Variants in UGGT2 observed in about 807,000 individuals in gnomAD.
The protein encoded by UGGT2 is UDP-glucose glycoprotein glucosyltransferase 2, also known as UDP-glucose:glycoprotein glucosyltransferase 2.
UGGT2 carries 180 observed loss-of-function variants against 192.1 expected under a neutral mutation model. That is an observed-to-expected ratio of 0.94 (90% CI 0.83 to 1.06). The LOEUF (loss-of-function observed/expected upper bound fraction) is 1.06, where lower values mean the gene tolerates loss of function less well. Among genes scored for constraint, UGGT2 ranks in the 50% least tolerant of loss-of-function variants. UGGT2 has a pLI of 0.00. For missense variants in UGGT2, 1,849 were observed against 1,795.7 expected, an observed-to-expected ratio of 1.03 and a Z score of -0.54; for synonymous variants, 580 against 591.0, an observed-to-expected ratio of 0.98 and a Z score of 0.27.
intron 38 of UGGT2, among the ~76,000 whole-genome samples, chr13:95,806,355 A>G (rs1177724738): frequency 6.6e-6 from 1 of 152,190 alleles, no homozygotes; most frequent in Non-Finnish European, 1.5e-5. Context: ...GGTTAACTCC[A>G]GGAGTTAATG....
intron 36 of UGGT2, among the ~76,000 whole-genome samples, chr13:95,850,589 G>A (rs1218936156): frequency 1.3e-5 from 2 of 152,206 alleles, no homozygotes; most frequent in African/African-American, 2.4e-5. Context: ...GATGGAGACT[G>A]TGTACGGGCC....
rs142818605 is a variant in UGGT2, at chr13:95,920,776, G to A, written c.2295+4904C>T. Among the ~76,000 whole-genome samples the A allele has an allele frequency of 7.2e-3, 1,094 of 152,282 alleles. 17 individuals carry two copies. Among genetic ancestry groups the A allele is most frequent in the African/African-American group, 0.025 (1,028 of 41,550 alleles). ...GGTCAGCCACTGTGAAAAGCAGTTCGGAGATTTCTCAAAGAACTGAAAACA... is the reference window on the plus strand; with the variant it reads ...GGTCAGCCACTGTGAAAAGCAGTTCAGAGATTTCTCAAAGAACTGAAAACA... On this transcript the variant is annotated intron_variant, in intron 20 of 38. Coordinates refer to ENST00000376747, the MANE Select transcript of UGGT2 (RefSeq NM_020121.4).
At chr13:96,029,264 T>A (rs1221154025) in intron 2 of UGGT2, among the ~76,000 whole-genome samples, 1 of 152,144 alleles carries the variant, frequency 6.6e-6, no homozygotes, top group Admixed American at 6.5e-5. Flanking sequence ...ATAAAGCCAA[T>A]AGAATTATAT....
At chr13:95,889,031 G>A (rs558923563) in intron 25 of UGGT2, among the ~76,000 whole-genome samples, 1 of 152,004 alleles carries the variant, frequency 6.6e-6, no homozygotes, top group African/African-American at 2.4e-5. Context: ...TGTTGCCCAG[G>A]CTGGTCTTGA....
At chr13:95,970,982 G>T (rs887815124) in intron 11 of UGGT2, among the ~76,000 whole-genome samples, 4 of 152,152 alleles carry the variant, frequency 2.6e-5, no homozygotes, top group African/African-American at 9.7e-5. Context: ...AAAGTCACAT[G>T]TTCTTACTGT....
chr13:95,888,123 G>T (rs2047697596), intron 25 of UGGT2, 152 bp from the exon 26 acceptor site: 1 of 507,278 alleles, frequency 2.0e-6, no homozygotes, highest in Non-Finnish European at 3.4e-6. Context: ...TACTTTTGCA[G>T]TTTAGGTACA....
intron 29 of UGGT2, among the ~76,000 whole-genome samples, chr13:95,868,645 G>A (rs9556504): frequency 0.38 from 58,476 of 151,922 alleles, 11,449 homozygotes; most frequent in Non-Finnish European, 0.42. Flanking sequence ...TAACCTGTAT[G>A]GTAGAAACAT....
At chr13:95,831,870 CT>C (rs1463765709) in intron 38 of UGGT2, among the ~76,000 whole-genome samples, 1 of 151,498 alleles carries the variant, frequency 6.6e-6, no homozygotes, top group Admixed American at 6.6e-5. Context: ...TCTCTCCCTC[CT>C]CCCTTTGTCA....
At position 96,023,760 on chromosome 13, in the gene UGGT2, C is replaced by T; in HGVS notation, c.242-1G>A. 1 of 1,583,770 alleles carries T rather than the reference C, an allele frequency of 6.3e-7. No individual in the cohort carries two copies. Among genetic ancestry groups the T allele is most frequent in the East Asian group, 2.3e-5 (1 of 44,204 alleles). On this transcript the variant is annotated splice_acceptor_variant, in intron 2 of 38. Coordinates refer to ENST00000376747, the MANE Select transcript of UGGT2 (RefSeq NM_020121.4). LOFTEE classifies it high-confidence loss of function. Reference sequence around the variant, plus strand: ...AAGTTGTAATAAGAATAATCTGATTCTATAAAAAGAAGTCAAAAGAAAATA... The same window carrying T: ...AAGTTGTAATAAGAATAATCTGATTTTATAAAAAGAAGTCAAAAGAAAATA...
chr13:96,044,357 G>T (rs988506751), intron 1 of UGGT2, among the ~76,000 whole-genome samples: 1 of 152,156 alleles, frequency 6.6e-6, no homozygotes, highest in Non-Finnish European at 1.5e-5. Flanking sequence ...ATACAGCAAA[G>T]GCTCTGCTAA....
Position 96,023,056 on chromosome 13 carries a change from T to C in UGGT2, c.469A>G (p.Lys157Glu). The C allele has an allele frequency of 6.3e-7, 1 of 1,584,346 alleles. No individual in the cohort carries two copies. Among genetic ancestry groups the C allele is most frequent in the Non-Finnish European group, 8.6e-7 (1 of 1,163,934 alleles). The change falls in exon 4 of 39, where the codon AAG becomes GAG. Residue 157 changes from lysine (K) to glutamate (E), a missense_variant. Physicochemically the swap from Lys to Glu is moderately conservative, Grantham distance 56. Transcript: ENST00000376747. The stretch of plus-strand genomic sequence containing the variant: ...TTAATTTACCTTGAAGCAGCTTTCT[T>C]CAGCAGCTTTTTAATCTCATTAATT... Reference protein sequence around the residue: ...CKINEIKKLLKKAASRTRPYL... With the variant: ...CKINEIKKLLEKAASRTRPYL...
At chr13:95,806,690 A>G (rs1273793216) in intron 38 of UGGT2, among the ~76,000 whole-genome samples, 5 of 152,212 alleles carry the variant, frequency 3.3e-5, no homozygotes, top group African/African-American at 1.2e-4. Context: ...GAATAAGAAG[A>G]GACATATAGA....
At chr13:96,050,165 AAAT>A (rs1258815258) in intron 1 of UGGT2, among the ~76,000 whole-genome samples, 11 of 152,332 alleles carry the variant, frequency 7.2e-5, no homozygotes, top group Non-Finnish European at 1.6e-4. Flanking sequence ...GAGCCCTCAG[AAAT>A]AATACCACAC....
chr13:95,881,407 T>C (rs886208778), intron 27 of UGGT2, among the ~76,000 whole-genome samples: 1 of 152,134 alleles, frequency 6.6e-6, no homozygotes, highest in African/African-American at 2.4e-5. Context: ...AAATGTGACC[T>C]TTTCCCAAAT....
chr13:95,925,803 T>C lies in UGGT2; in HGVS notation c.2201-29A>G, dbSNP rs186140023. 6.1e-4 allele frequency: 893 copies of C among 1,467,482 alleles called. 5 individuals carry two copies. In the African/African-American group the frequency reaches 0.011, roughly 19 times the overall value. 90.9% of individuals were successfully genotyped at this position (1,467,482 alleles called of 1,614,324 possible). On this transcript the variant is annotated intron_variant, in intron 19 of 38. Coordinates refer to ENST00000376747, the MANE Select transcript of UGGT2 (RefSeq NM_020121.4). The stretch of plus-strand genomic sequence containing the variant: ...AAAGTTTCAAACAGTTTACTCAAAT[T>C]AACTTTTTTTTTAAAAAATAAAACA...
intron 36 of UGGT2, among the ~76,000 whole-genome samples, chr13:95,849,683 A>C (rs1888833184): frequency 6.6e-6 from 1 of 151,766 alleles, no homozygotes; most frequent in Non-Finnish European, 1.5e-5. Flanking sequence ...CTCCAGGTTA[A>C]TTAAATTTTT....
intron 38 of UGGT2, among the ~76,000 whole-genome samples, chr13:95,828,561 A>AATCT (rs760533183): frequency 1.3e-5 from 2 of 152,176 alleles, no homozygotes; most frequent in Non-Finnish European, 2.9e-5. Flanking sequence ...TAAACTAGAA[A>AATCT]ATCTAGAAGA....
At chr13:95,929,974 T>A (rs2049188425) in intron 17 of UGGT2, among the ~76,000 whole-genome samples, 1 of 152,212 alleles carries the variant, frequency 6.6e-6, no homozygotes, top group African/African-American at 2.4e-5. Flanking sequence ...TAACAGCCAT[T>A]CTAAATGGTA....
chr13:96,038,927 C>T (rs776256962), intron 1 of UGGT2, among the ~76,000 whole-genome samples: 3 of 152,104 alleles, frequency 2.0e-5, no homozygotes, highest in African/African-American at 4.8e-5. Context: ...TATGATCCAT[C>T]CTGGGGTAAA....
Sources: gnomAD v4.1 joint callset for allele counts (sites outside exome capture counted in the v4.1 genomes callset) on GRCh38, gnomAD v4.1.1 for gene constraint, MANE v1.5 for transcripts, NCBI Gene and HGNC (gene_info 2026-07-23, HGNC 2026-07-21) for gene names.